The following PDE10A variants were observed in gnomAD, a reference collection of about 807,000 sequenced individuals.
The protein encoded by PDE10A is phosphodiesterase 10A, also known as cAMP and cAMP-inhibited cGMP 3',5'-cyclic phosphodiesterase 10A.
A neutral mutation model predicts 97.7 loss-of-function variants in PDE10A; 39 were observed. The ratio of observed to expected loss-of-function variants is 0.40; its 90% CI spans 0.31 to 0.52. PDE10A has a LOEUF of 0.52. Among genes scored for constraint, PDE10A ranks in the 20% least tolerant of loss-of-function variants. The pLI, the probability that PDE10A is intolerant of heterozygous loss-of-function variation, is 0.56. For missense variants in PDE10A, 731 were observed against 1,047.8 expected (o/e 0.70, Z 4.17); for synonymous variants, 371 against 376.8 (o/e 0.98, Z 0.18).
intron 1 of PDE10A, among the ~76,000 whole-genome samples, chr6:165,684,765 CAT>C (rs1169418648): frequency 6.6e-6 from 1 of 152,238 alleles, no homozygotes; most frequent in East Asian, 1.9e-4. Flanking sequence ...TTTAACAAAA[CAT>C]ATTTTCTTAT....
chr6:165,932,544 C>T (rs1207809713), intron 1 of PDE10A, among the ~76,000 whole-genome samples: 2 of 152,202 alleles, frequency 1.3e-5, no homozygotes, highest in African/African-American at 4.8e-5. Context: ...CCATATTGGT[C>T]AGGCTGGTCT....
intron 1 of PDE10A, among the ~76,000 whole-genome samples, chr6:165,771,843 G>A (rs2128460014): frequency 6.6e-6 from 1 of 152,294 alleles, no homozygotes; most frequent in South Asian, 2.1e-4. Context: ...GGTGGCCTGT[G>A]GGGCGGATGA....
At chr6:165,967,096 A>G (rs1435133346) in intron 1 of PDE10A, among the ~76,000 whole-genome samples, 1 of 152,318 alleles carries the variant, frequency 6.6e-6, no homozygotes, top group East Asian at 1.9e-4. Context: ...CGTATATGGA[A>G]GGGTACAACT....
At chr6:165,463,005 T>C (rs1225739659) in intron 3 of PDE10A, among the ~76,000 whole-genome samples, 4 of 152,286 alleles carry the variant, frequency 2.6e-5, no homozygotes, top group African/African-American at 4.8e-5. Context: ...AAAATGAACA[T>C]ACTTGTTTAG....
chr6:165,718,433 G>T (rs973287613), intron 1 of PDE10A: 1 of 152,036 alleles, frequency 6.6e-6, no homozygotes, highest in Non-Finnish European at 1.5e-5. Flanking sequence ...AGAAACAAAG[G>T]GTTTATGCTT....
chr6:165,571,055 C>T (rs1172302387), intron 1 of PDE10A, among the ~76,000 whole-genome samples: 1 of 152,214 alleles, frequency 6.6e-6, no homozygotes, highest in Non-Finnish European at 1.5e-5. Flanking sequence ...TACTTTCACA[C>T]ACTAAGCACT....
At chr6:165,917,529 C>G (rs1227629320) in intron 1 of PDE10A, among the ~76,000 whole-genome samples, 8 of 152,226 alleles carry the variant, frequency 5.3e-5, no homozygotes, top group African/African-American at 1.9e-4. Flanking sequence ...CACTTTACTT[C>G]TAAGTCAGAA....
intron 2 of PDE10A, among the ~76,000 whole-genome samples, chr6:165,522,817 G>T (rs1782209487): frequency 6.6e-6 from 1 of 152,010 alleles, no homozygotes; most frequent in Admixed American, 6.6e-5. Context: ...ACCAAAATAG[G>T]AAAAGAAGTC....
intron 1 of PDE10A, among the ~76,000 whole-genome samples, chr6:165,583,769 G>A (rs1785748882): frequency 6.6e-6 from 1 of 152,158 alleles, no homozygotes; most frequent in Admixed American, 6.6e-5. Flanking sequence ...TCTAATGTAT[G>A]ATACCGTTTC....
intron 2 of PDE10A, among the ~76,000 whole-genome samples, chr6:165,508,447 T>G (rs1781327321): frequency 6.6e-6 from 1 of 152,030 alleles, no homozygotes; most frequent in Non-Finnish European, 1.5e-5. Context: ...ATACCACAGT[T>G]TATCCATTCA....
At chr6:165,942,845 TA>T (rs1293583339) in intron 1 of PDE10A, among the ~76,000 whole-genome samples, 1 of 152,156 alleles carries the variant, frequency 6.6e-6, no homozygotes, top group Non-Finnish European at 1.5e-5. Flanking sequence ...CCCATTCTGC[TA>T]GAACATTTCT....
At chr6:165,847,107 T>A (rs1184886560) in intron 1 of PDE10A, among the ~76,000 whole-genome samples, 1 of 152,154 alleles carries the variant, frequency 6.6e-6, no homozygotes, top group Non-Finnish European at 1.5e-5. Flanking sequence ...AGTAACTGAT[T>A]ATGTTCCTCT....
intron 1 of PDE10A, among the ~76,000 whole-genome samples, chr6:165,694,487 C>A (rs1352450591): frequency 6.6e-6 from 1 of 152,230 alleles, no homozygotes; most frequent in Admixed American, 6.5e-5. Context: ...CGTTTGCATT[C>A]ACTGCTCCTC....
intron 10 of PDE10A, among the ~76,000 whole-genome samples, chr6:165,425,335 A>G (rs1315616221): frequency 6.6e-6 from 1 of 152,214 alleles, no homozygotes; most frequent in Non-Finnish European, 1.5e-5. Context: ...AATATAAATT[A>G]CACACCATAA....
intron 1 of PDE10A, among the ~76,000 whole-genome samples, chr6:165,866,350 C>T (rs1405749671): frequency 1.3e-5 from 2 of 151,522 alleles, no homozygotes; most frequent in East Asian, 3.9e-4. Flanking sequence ...CCTTAGTGCA[C>T]GTGTTGGTGT....
intron 1 of PDE10A, among the ~76,000 whole-genome samples, chr6:165,670,184 T>G (rs1203572618): frequency 6.6e-6 from 1 of 152,216 alleles, no homozygotes; most frequent in African/African-American, 2.4e-5. Context: ...ATGTCGATTT[T>G]GTGTATCCCT....
At chr6:165,858,325 G>A (rs1780807179) in intron 1 of PDE10A, among the ~76,000 whole-genome samples, 1 of 152,216 alleles carries the variant, frequency 6.6e-6, no homozygotes, top group South Asian at 2.1e-4. Context: ...TTTTGAGGGA[G>A]TGCTCCCGAC....
intron 1 of PDE10A, among the ~76,000 whole-genome samples, chr6:165,629,136 C>T (rs1288540790): frequency 6.6e-6 from 1 of 151,814 alleles, no homozygotes; most frequent in Non-Finnish European, 1.5e-5. Context: ...TTGAAGAGTT[C>T]CTAAGTGTTG....
chr6:165,805,828 G>A (rs935228664), intron 1 of PDE10A, among the ~76,000 whole-genome samples: 4 of 151,822 alleles, frequency 2.6e-5, no homozygotes, highest in Admixed American at 6.6e-5. Flanking sequence ...AGGAGGAGCC[G>A]GGCTGATGGA....
Sources: gnomAD v4.1 joint callset for allele counts (sites outside exome capture counted in the v4.1 genomes callset) on GRCh38, gnomAD v4.1.1 for gene constraint, MANE v1.5 for transcripts, NCBI Gene and HGNC (gene_info 2026-07-23, HGNC 2026-07-21) for gene names.